The following INPP4B variants were observed in gnomAD, a reference collection of about 807,000 sequenced individuals.
INPP4B encodes inositol polyphosphate 4-phosphatase type II.
In INPP4B, 55 loss-of-function variants were observed where a neutral mutation model predicts 122.5. The observed-to-expected ratio is 0.45, with a 90% CI of 0.36 to 0.56. The LOEUF (loss-of-function observed/expected upper bound fraction) is 0.56, where lower values mean the gene tolerates loss of function less well. Ranked by LOEUF, INPP4B falls within the 20% of genes least tolerant of loss-of-function variation. The probability of loss-of-function intolerance (pLI) is 0.00; values close to 1 mark genes in which losing one functional copy is unlikely to be tolerated. For synonymous variants in INPP4B, 403 were observed against 388.7 expected, an observed-to-expected ratio of 1.04 and a Z score of -0.43; for missense variants, 1,000 against 1,097.7, an observed-to-expected ratio of 0.91 and a Z score of 1.26.
intron 15 of INPP4B, among the ~76,000 whole-genome samples, chr4:142,182,553 AAAAAAACAAAC>A (rs1831347597): frequency 7.0e-6 from 1 of 143,324 alleles, no homozygotes; most frequent in Non-Finnish European, 1.5e-5. Flanking sequence ...TCTCAAAAAA[AAAAAAACAAAC>A]AAAAAAAAGA....
intron 18 of INPP4B, among the ~76,000 whole-genome samples, chr4:142,137,176 C>A (rs949853331): frequency 2.6e-5 from 4 of 152,004 alleles, no homozygotes; most frequent in Admixed American, 6.6e-5. Flanking sequence ...GATACTGGTA[C>A]CAAAACATAG....
At chr4:142,648,532 C>G (rs1301106094) in intron 2 of INPP4B, among the ~76,000 whole-genome samples, 4 of 152,218 alleles carry the variant, frequency 2.6e-5, no homozygotes, top group South Asian at 2.1e-4. Flanking sequence ...ATGCCTGGCT[C>G]AGTGGGTCCC....
At chr4:142,110,075 GAATA>G (rs1187065978) in intron 22 of INPP4B, among the ~76,000 whole-genome samples, 1 of 152,102 alleles carries the variant, frequency 6.6e-6, no homozygotes. Flanking sequence ...TAGTGTTATG[GAATA>G]AATGTTTGTG....
At chr4:142,621,812 T>C (rs1745001709) in intron 2 of INPP4B, among the ~76,000 whole-genome samples, 1 of 151,622 alleles carries the variant, frequency 6.6e-6, no homozygotes, top group African/African-American at 2.4e-5. Flanking sequence ...TATAATTATG[T>C]ATATAAACAA....
chr4:142,048,508 C>A (rs919591256), intron 25 of INPP4B, among the ~76,000 whole-genome samples: 9 of 151,490 alleles, frequency 5.9e-5, no homozygotes, highest in Non-Finnish European at 1.5e-5. Context: ...TGAAAGATGA[C>A]AACATTAAAA....
At chr4:142,249,925 T>C (rs143054374) in intron 11 of INPP4B, among the ~76,000 whole-genome samples, 6 of 152,292 alleles carry the variant, frequency 3.9e-5, no homozygotes, top group East Asian at 1.9e-4. Context: ...TCACCTCCAA[T>C]AGAAAATAGT....
chr4:142,246,989 G>A (rs1729208778), intron 11 of INPP4B, among the ~76,000 whole-genome samples: 1 of 152,088 alleles, frequency 6.6e-6, no homozygotes, highest in South Asian at 2.1e-4. Flanking sequence ...CTACTTTATT[G>A]AGAGTTTTTA....
intron 2 of INPP4B, among the ~76,000 whole-genome samples, chr4:142,623,723 C>T (rs1453911065): frequency 6.6e-6 from 1 of 150,604 alleles, no homozygotes; most frequent in South Asian, 2.1e-4. Context: ...CCCCCCTCAC[C>T]CCACCCCACA....
At chr4:142,733,742 C>T (rs746087093) in intron 1 of INPP4B, among the ~76,000 whole-genome samples, 39 of 152,256 alleles carry the variant, frequency 2.6e-4, no homozygotes, top group Middle Eastern at 6.8e-3. Context: ...TAGTGTCTCA[C>T]CTTATGGCTG....
At position 142,122,033 on chromosome 4, in the gene INPP4B, C is replaced by T. The variant is rs1578982754; in HGVS notation, c.2135+95G>A. ...AAAGAAAAAAAACAAAAGAAATATT[C>T]CCAAATCAAACCTGAATTCTCCTTG... is the stretch of plus-strand genomic sequence containing the variant. On this transcript the variant is annotated intron_variant, in intron 21 of 25. Transcript: ENST00000262992. 5 of 770,016 alleles carry T rather than the reference C, an allele frequency of 6.5e-6. No individual in the cohort carries two copies. The East Asian group carries it at 1.3e-4, about 21-fold the overall frequency. The allele number at this position is 770,016 out of a possible 1,614,324, so 47.7% of individuals were successfully genotyped here. A position where few individuals can be genotyped will look rare whatever the true frequency, so the allele number is the denominator to read the frequency against.
intron 2 of INPP4B, among the ~76,000 whole-genome samples, chr4:142,675,740 C>G (rs533332946): frequency 6.6e-6 from 1 of 152,176 alleles, no homozygotes; most frequent in South Asian, 2.1e-4. Flanking sequence ...GAACCAATGA[C>G]AAAAATCACA....
chr4:142,028,706 C>A lies in INPP4B; in HGVS notation c.*76G>T. On this transcript the variant is annotated 3_prime_UTR_variant, in exon 26 of 26. Coordinates refer to ENST00000262992, the MANE Select transcript of INPP4B (RefSeq NM_001101669.3). The stretch of plus-strand genomic sequence containing the variant: ...CACCACAAATTCATGACAATAAAAA[C>A]AAACAAAAAAGACCAAGGTGAAGAT... 6.8e-7 allele frequency: 1 copy of A among 1,476,618 alleles called. No individual in the cohort carries two copies. Among genetic ancestry groups the A allele is most frequent in the Non-Finnish European group, 9.2e-7 (1 of 1,092,784 alleles). The allele number at this position is 1,476,618 out of a possible 1,614,324, so 91.5% of individuals were successfully genotyped here.
intron 2 of INPP4B, among the ~76,000 whole-genome samples, chr4:142,724,837 C>T (rs1765135992): frequency 6.6e-6 from 1 of 152,024 alleles, no homozygotes; most frequent in Admixed American, 6.6e-5. Context: ...CTGCTGATAT[C>T]CATTACATTT....
chr4:142,488,546 T>C (rs1821466504), intron 2 of INPP4B, among the ~76,000 whole-genome samples: 1 of 152,130 alleles, frequency 6.6e-6, no homozygotes, highest in Admixed American at 6.5e-5. Flanking sequence ...ATTCCAAATG[T>C]AATTTGTTTA....
rs1242178515 is a variant in INPP4B at position 142,025,317 on chromosome 4, A to C, written c.*3465T>G. On this transcript the variant is annotated 3_prime_UTR_variant, in exon 26 of 26. Transcript: ENST00000262992. ...TCACTGTAAAGATGTAATAGACCTA[A>C]ATAGACTCAAGAGTACTAATAAATA... The C allele has an allele frequency of 1.3e-5, 2 of 152,212 alleles. No homozygotes were observed. Among genetic ancestry groups the C allele is most frequent in the African/African-American group, 4.8e-5 (2 of 41,452 alleles). The allele number at this position is 152,212 out of a possible 1,614,324, so 9.4% of individuals were successfully genotyped here. A position where few individuals can be genotyped will look rare whatever the true frequency, so the allele number is the denominator to read the frequency against.
chr4:142,095,265 T>C (rs1210644481), intron 23 of INPP4B, among the ~76,000 whole-genome samples: 2 of 152,006 alleles, frequency 1.3e-5, no homozygotes, highest in African/African-American at 4.8e-5. Flanking sequence ...GACGTTGCAG[T>C]TGTGGTTCAG....
chr4:142,828,281 A>G (rs1047241960), intron 1 of INPP4B, among the ~76,000 whole-genome samples: 8 of 152,126 alleles, frequency 5.3e-5, no homozygotes, highest in African/African-American at 1.9e-4. Context: ...AATCTATGTT[A>G]TGTGGGGTGG....
chr4:142,028,495 A>G lies in INPP4B; in HGVS notation c.*287T>C. On this transcript the variant is annotated 3_prime_UTR_variant, in exon 26 of 26. Transcript: ENST00000262992. ...TTTCCTCAGAAACATTTAAATACTC[A>G]TGAATGAAATTTACACTTTGTGAAC... 1 of 366,020 alleles carries G rather than the reference A, an allele frequency of 2.7e-6. No individual in the cohort carries two copies. The highest frequency in any genetic ancestry group is 5.7e-5 in the South Asian group (1 of 17,678). The allele number at this position is 366,020 out of a possible 1,614,324, so 22.7% of individuals were successfully genotyped here. A position where few individuals can be genotyped will look rare whatever the true frequency, so the allele number is the denominator to read the frequency against.
chr4:142,725,710 G>A (rs1765262261), intron 2 of INPP4B, 129 bp downstream of exon 2: 2 of 388,198 alleles, frequency 5.2e-6, no homozygotes, highest in Non-Finnish European at 9.1e-6. Context: ...GCCTTCCCTT[G>A]GCTTTTCAGA....
Sources: gnomAD v4.1 joint callset for allele counts (sites outside exome capture counted in the v4.1 genomes callset) on GRCh38, gnomAD v4.1.1 for gene constraint, MANE v1.5 for transcripts, NCBI Gene and HGNC (gene_info 2026-07-23, HGNC 2026-07-21) for gene names.